MSI2: variants seen among roughly 807,000 people sequenced by gnomAD.
MSI2 encodes RNA-binding protein Musashi homolog 2.
Under a neutral mutation model 45.6 loss-of-function variants are expected in MSI2, and 17 were observed. The ratio of observed to expected loss-of-function variants is 0.37; its 90% CI spans 0.26 to 0.56. The LOEUF is 0.56. Ranked by LOEUF, MSI2 falls within the 20% of genes least tolerant of loss-of-function variation. The probability of loss-of-function intolerance (pLI) is 0.77; values close to 1 mark genes in which losing one functional copy is unlikely to be tolerated. For missense variants in MSI2, 293 were observed against 444.2 expected (o/e 0.66, Z 3.06); for synonymous variants, 156 against 158.2 (o/e 0.99, Z 0.11).
At chr17:57,347,758 T>C (rs970578002) in intron 5 of MSI2, among the ~76,000 whole-genome samples, 3 of 152,224 alleles carry the variant, frequency 2.0e-5, no homozygotes, top group African/African-American at 7.2e-5. Flanking sequence ...TTCCGTGGAA[T>C]TGGCTGGAGT....
chr17:57,494,508 T>G (rs2085937688), intron 6 of MSI2, among the ~76,000 whole-genome samples: 2 of 152,176 alleles, frequency 1.3e-5, no homozygotes, highest in Non-Finnish European at 2.9e-5. Flanking sequence ...AATAACTACA[T>G]AAGGACCTGC....
chr17:57,429,004 C>A (rs2084545329), intron 6 of MSI2, among the ~76,000 whole-genome samples: 1 of 152,162 alleles, frequency 6.6e-6, no homozygotes, highest in Non-Finnish European at 1.5e-5. Context: ...AGGAGAAGAT[C>A]CCCCACGCTT....
intron 5 of MSI2, among the ~76,000 whole-genome samples, chr17:57,347,185 T>C (rs544727678): frequency 6.6e-6 from 1 of 152,284 alleles, no homozygotes; most frequent in Non-Finnish European, 1.5e-5. Flanking sequence ...CCATTGTTCC[T>C]GGAAATGAGT....
At chr17:57,318,866 A>C (rs1023703028) in intron 5 of MSI2, among the ~76,000 whole-genome samples, 1 of 152,124 alleles carries the variant, frequency 6.6e-6, no homozygotes, top group Non-Finnish European at 1.5e-5. Context: ...GTTACATATA[A>C]ATTTCCTAAT....
At chr17:57,505,374 G>T (rs1158291873) in intron 6 of MSI2, among the ~76,000 whole-genome samples, 1 of 152,102 alleles carries the variant, frequency 6.6e-6, no homozygotes, top group African/African-American at 2.4e-5. Flanking sequence ...TACAGAGAGG[G>T]GGTAGAGCAC....
chr17:57,408,275 G>A (rs2084121261), intron 6 of MSI2, among the ~76,000 whole-genome samples: 1 of 152,200 alleles, frequency 6.6e-6, no homozygotes, highest in South Asian at 2.1e-4. Flanking sequence ...ATAGCCAGCT[G>A]TTGTTAGGCA....
At chr17:57,566,763 A>G (rs1459076621) in intron 7 of MSI2, among the ~76,000 whole-genome samples, 2 of 152,144 alleles carry the variant, frequency 1.3e-5, no homozygotes, top group African/African-American at 4.8e-5. Context: ...ACTGCCACCG[A>G]TCTGGTTGGG....
intron 5 of MSI2, among the ~76,000 whole-genome samples, chr17:57,364,454 G>A (rs1316531945): frequency 1.3e-5 from 2 of 152,162 alleles, no homozygotes; most frequent in Non-Finnish European, 2.9e-5. Flanking sequence ...TTAATTAAAC[G>A]GCATCAAGGA....
chr17:57,317,915 G>A (rs751439939), intron 5 of MSI2, among the ~76,000 whole-genome samples: 4 of 152,138 alleles, frequency 2.6e-5, no homozygotes, highest in Admixed American at 2.6e-4. Flanking sequence ...TTGGGAGGCC[G>A]AGGAGGGAGG....
intron 9 of MSI2, among the ~76,000 whole-genome samples, chr17:57,624,798 C>G (rs1908648779): frequency 6.6e-6 from 1 of 152,190 alleles, no homozygotes; most frequent in African/African-American, 2.4e-5. Context: ...GGGCACGTCA[C>G]TGTTGCAAGG....
chr17:57,456,826 T>G (rs1426459394), intron 6 of MSI2, among the ~76,000 whole-genome samples: 1 of 152,210 alleles, frequency 6.6e-6, no homozygotes, highest in Admixed American at 6.5e-5. Flanking sequence ...GCCTTCTAGG[T>G]CATTCTCAAC....
chr17:57,607,070 T>C (rs1031790246), intron 8 of MSI2, among the ~76,000 whole-genome samples: 2 of 152,160 alleles, frequency 1.3e-5, no homozygotes, highest in African/African-American at 2.4e-5. Flanking sequence ...ACAGAGGAAA[T>C]GAGGCTCCAT....
In MSI2 at chr17:57,348,647, C is replaced by A. The variant is rs778832499; in HGVS notation, c.313-52732C>A. 9.2e-5 allele frequency among the ~76,000 whole-genome samples: 14 copies of A among 152,220 alleles called. No homozygotes were observed. In the East Asian group the frequency reaches 1.9e-3, roughly 21 times the overall value. ...CCCTCCGCCATGATTAGAAGCTTCC[C>A]GAAGCCTTCGCTGGAAGCCGTGCAG... is the stretch of plus-strand genomic sequence containing the variant. On this transcript the variant is annotated intron_variant, in intron 5 of 13. Transcript: ENST00000284073.
At chr17:57,450,728 A>G (rs931727822) in intron 6 of MSI2, among the ~76,000 whole-genome samples, 1 of 150,194 alleles carries the variant, frequency 6.7e-6, no homozygotes, top group African/African-American at 2.5e-5. Context: ...CCCTTGTACA[A>G]TTCCGTCCCC....
chr17:57,455,278 G>T (rs1399920061), intron 6 of MSI2, among the ~76,000 whole-genome samples: 2 of 152,212 alleles, frequency 1.3e-5, no homozygotes, highest in Non-Finnish European at 2.9e-5. Context: ...GAATAATGCA[G>T]TGAAGCCCCT....
intron 5 of MSI2, among the ~76,000 whole-genome samples, chr17:57,299,951 T>C (rs1259007655): frequency 6.6e-6 from 1 of 152,190 alleles, no homozygotes; most frequent in Non-Finnish European, 1.5e-5. Flanking sequence ...CTTGCTGCCT[T>C]GGGGACTGGG....
chr17:57,657,921 G>T (rs1274626321), intron 11 of MSI2, among the ~76,000 whole-genome samples: 1 of 152,188 alleles, frequency 6.6e-6, no homozygotes, highest in Non-Finnish European at 1.5e-5. Context: ...GCCTTCAGTG[G>T]CCTGAGACTC....
chr17:57,256,926 C>G (rs905158143), intron 1 of MSI2, 122 bp downstream of exon 1: 2 of 567,800 alleles, frequency 3.5e-6, no homozygotes, highest in Non-Finnish European at 5.3e-6. Flanking sequence ...GCGCCCCCCC[C>G]GTGGAAGTTA....
At chr17:57,431,043 G>A (rs557849474) in intron 6 of MSI2, among the ~76,000 whole-genome samples, 6 of 152,330 alleles carry the variant, frequency 3.9e-5, no homozygotes, top group African/African-American at 9.6e-5. Flanking sequence ...TGAGGACCAC[G>A]TGTTTTATTC....
Sources: gnomAD v4.1 joint callset for allele counts (sites outside exome capture counted in the v4.1 genomes callset) on GRCh38, gnomAD v4.1.1 for gene constraint, MANE v1.5 for transcripts, NCBI Gene and HGNC (gene_info 2026-07-23, HGNC 2026-07-21) for gene names.